TTC28: variants seen among roughly 807,000 people sequenced by gnomAD.
TTC28 encodes the protein tetratricopeptide repeat domain 28.
In TTC28, 61 loss-of-function variants were observed where a neutral mutation model predicts 198.0. The observed-to-expected ratio is 0.31, with a 90% CI of 0.25 to 0.38. TTC28 has a LOEUF of 0.38. Among genes scored for constraint, TTC28 ranks in the 10% least tolerant of loss-of-function variants. The pLI, the probability that TTC28 is intolerant of heterozygous loss-of-function variation, is 1.00. For missense variants in TTC28, 2,678 were observed against 3,164.0 expected (o/e 0.85, Z 3.69); for synonymous variants, 1,171 against 1,297.8 (o/e 0.90, Z 2.10).
intron 2 of TTC28, among the ~76,000 whole-genome samples, chr22:28,472,782 T>C (rs576563073): frequency 2.6e-5 from 4 of 152,102 alleles, no homozygotes; most frequent in East Asian, 3.9e-4. Context: ...GTTTTCTAGA[T>C]AGAAAAGGCC....
At chr22:28,529,837 G>T (rs1320081173) in intron 2 of TTC28, among the ~76,000 whole-genome samples, 1 of 152,166 alleles carries the variant, frequency 6.6e-6, no homozygotes, top group Non-Finnish European at 1.5e-5. Flanking sequence ...CTTCAGCTGA[G>T]GGTCCTGACT....
At chr22:28,155,132 T>C (rs1042649224) in intron 6 of TTC28, among the ~76,000 whole-genome samples, 2 of 152,256 alleles carry the variant, frequency 1.3e-5, no homozygotes, top group Non-Finnish European at 2.9e-5. Context: ...TGATGTTATC[T>C]TAACATTTGT....
intron 2 of TTC28, among the ~76,000 whole-genome samples, chr22:28,481,358 G>C (rs1405146080): frequency 1.3e-5 from 2 of 152,094 alleles, no homozygotes; most frequent in African/African-American, 4.8e-5. Context: ...GGAAACCATT[G>C]CTAATAATTA....
intron 5 of TTC28, among the ~76,000 whole-genome samples, chr22:28,198,547 T>A (rs1925595180): frequency 6.6e-6 from 1 of 152,194 alleles, no homozygotes; most frequent in South Asian, 2.1e-4. Flanking sequence ...AAACATTTAA[T>A]GACATTTTAA....
intron 2 of TTC28, among the ~76,000 whole-genome samples, chr22:28,629,175 A>T (rs1348504553): frequency 6.6e-6 from 1 of 152,160 alleles, no homozygotes; most frequent in Admixed American, 6.5e-5. Flanking sequence ...ATTGACAGAG[A>T]ATGAAATTAA....
At chr22:28,355,028 G>T (rs1281385993) in intron 2 of TTC28, among the ~76,000 whole-genome samples, 1 of 132,230 alleles carries the variant, frequency 7.6e-6, no homozygotes, top group East Asian at 2.2e-4. Flanking sequence ...TAAAAACACA[G>T]GATCTCTAAA....
intron 2 of TTC28, among the ~76,000 whole-genome samples, chr22:28,313,547 G>C (rs187960244): frequency 6.6e-6 from 1 of 152,262 alleles, no homozygotes; most frequent in Non-Finnish European, 1.5e-5. Flanking sequence ...GGGATGCAAG[G>C]CTGGTTCAAT....
At chr22:28,388,087 G>T (rs149041077) in intron 2 of TTC28, among the ~76,000 whole-genome samples, 133,658 of 152,198 alleles carry the variant, frequency 0.88, 58,840 homozygotes, top group East Asian at 0.99. Context: ...CCAAGCACCG[G>T]TTATTAAATA....
At position 28,164,916 on chromosome 22, in the gene TTC28, G is replaced by C. The variant is rs183870300; in HGVS notation, c.934-1317C>G. Reference sequence around the variant, plus strand: ...GGAAGTTCGAACCCATGGCAAAGAAGTTAAAAACCTTGAAAAAAAACTAGA... The same window carrying C: ...GGAAGTTCGAACCCATGGCAAAGAACTTAAAAACCTTGAAAAAAAACTAGA... On this transcript the variant is annotated intron_variant, in intron 5 of 22. Coordinates refer to ENST00000397906, the MANE Select transcript of TTC28 (RefSeq NM_001145418.2). Among the ~76,000 whole-genome samples, 23 of 152,278 alleles carry C rather than the reference G, an allele frequency of 1.5e-4. No individual in the cohort carries two copies. In the East Asian group the frequency reaches 2.9e-3, roughly 19 times the overall value.
chr22:28,202,730 C>T (rs1209063975), intron 5 of TTC28, among the ~76,000 whole-genome samples: 3 of 152,108 alleles, frequency 2.0e-5, no homozygotes, highest in African/African-American at 7.2e-5. Context: ...TCTTCCAATG[C>T]AAATGCCACC....
intron 12 of TTC28, among the ~76,000 whole-genome samples, chr22:28,093,015 T>C (rs1941859283): frequency 6.6e-6 from 1 of 152,216 alleles, no homozygotes; most frequent in African/African-American, 2.4e-5. Flanking sequence ...CTGGGTGAGA[T>C]GTAGACTGTT....
chr22:28,013,048 G>A (rs928470271), intron 14 of TTC28, among the ~76,000 whole-genome samples: 9 of 150,894 alleles, frequency 6.0e-5, no homozygotes, highest in Admixed American at 3.3e-4. Context: ...GGCAGGTAGC[G>A]CAGCCTCCTG....
At chr22:28,090,660 T>C (rs1941786162) in intron 12 of TTC28, among the ~76,000 whole-genome samples, 2 of 152,210 alleles carry the variant, frequency 1.3e-5, no homozygotes, top group Admixed American at 6.5e-5. Context: ...ATCCCTACGA[T>C]ATGAGCCTGC....
intron 21 of TTC28, among the ~76,000 whole-genome samples, chr22:27,987,332 A>G (rs1937245867): frequency 6.6e-6 from 1 of 152,196 alleles, no homozygotes. Context: ...GTATCTGGCA[A>G]AGGGACCTCA....
In TTC28 at chr22:28,071,517, G is replaced by A. The variant is rs796885289; in HGVS notation, c.3932+22563C>T. 4.7e-5 allele frequency among the ~76,000 whole-genome samples: 7 copies of A among 147,410 alleles called. 1 individual carries two copies. The highest frequency in any genetic ancestry group is 1.8e-4 in the African/African-American group (7 of 39,728). ...AAACACCGCATATTCTCACTCATAG[G>A]TGGGACTTGAACAATGAGATCACAT... On this transcript the variant is annotated intron_variant, in intron 12 of 22. Transcript: ENST00000397906.
At chr22:28,099,201 G>A (rs1274218435) in intron 9 of TTC28, among the ~76,000 whole-genome samples, 157 bp from the exon 10 acceptor site, 1 of 152,182 alleles carries the variant, frequency 6.6e-6, no homozygotes, top group Non-Finnish European at 1.5e-5. Context: ...AAGGAAAAAT[G>A]GATGTGCTGC....
At chr22:28,022,776 A>G (rs1184472602) in intron 13 of TTC28, among the ~76,000 whole-genome samples, 1 of 152,264 alleles carries the variant, frequency 6.6e-6, no homozygotes, top group African/African-American at 2.4e-5. Flanking sequence ...GGAAAAATTA[A>G]TTGGCAAATA....
intron 2 of TTC28, among the ~76,000 whole-genome samples, chr22:28,604,793 T>C (rs2050704601): frequency 2.0e-5 from 3 of 152,130 alleles, no homozygotes; most frequent in Admixed American, 2.0e-4. Flanking sequence ...CAAATCTTTA[T>C]TACAGGAGAC....
intron 2 of TTC28, among the ~76,000 whole-genome samples, chr22:28,564,143 A>G (rs993242986): frequency 2.6e-5 from 4 of 152,176 alleles, no homozygotes; most frequent in Non-Finnish European, 4.4e-5. Context: ...GGAAATGGGG[A>G]GCAAATGCTT....
Sources: allele counts gnomAD v4.1 joint callset (sites outside exome capture counted in the v4.1 genomes callset), GRCh38; gene constraint gnomAD v4.1.1; transcripts MANE v1.5; gene names NCBI Gene and HGNC (gene_info 2026-07-23, HGNC 2026-07-21).